RPS6KC1: variants seen among roughly 807,000 people sequenced by gnomAD.
RPS6KC1 encodes inactive ribosomal protein S6 kinase delta-1.
Under a neutral mutation model 103.8 loss-of-function variants are expected in RPS6KC1, and 54 were observed. That is an observed-to-expected ratio of 0.52 (90% CI 0.42 to 0.65). The LOEUF is 0.65. Ranked by LOEUF, RPS6KC1 falls within the 30% of genes least tolerant of loss-of-function variation. RPS6KC1 has a pLI of 0.00. For synonymous variants in RPS6KC1, 439 were observed against 438.7 expected (o/e 1.00, Z -0.01); for missense variants, 1,151 against 1,253.8 (o/e 0.92, Z 1.24).
chr1:213,765,229 A>G, the RPS6KC1 span, among the ~76,000 whole-genome samples: 2 of 151,762 alleles, frequency 1.3e-5, no homozygotes, highest in Non-Finnish European at 1.5e-5. Context: ...TTTTTTCTCC[A>G]CTCCCTTTCT....
the RPS6KC1 span, among the ~76,000 whole-genome samples, chr1:213,661,749 A>G: frequency 6.6e-6 from 1 of 152,208 alleles, no homozygotes; most frequent in African/African-American, 2.4e-5. Context: ...CTTAGATGAA[A>G]TTATTCTACT....
At chr1:213,705,792 G>C in the RPS6KC1 span, among the ~76,000 whole-genome samples, 2 of 152,206 alleles carry the variant, frequency 1.3e-5, no homozygotes, top group African/African-American at 4.8e-5. Context: ...GGACTCTCCA[G>C]TTGGTAGGTG....
At chr1:213,180,760 G>T (rs1385050565) in intron 8 of RPS6KC1, among the ~76,000 whole-genome samples, 1 of 152,140 alleles carries the variant, frequency 6.6e-6, no homozygotes, top group African/African-American at 2.4e-5. Context: ...TTGTATTTGT[G>T]TGGTACGAAT....
intron 10 of RPS6KC1, among the ~76,000 whole-genome samples, chr1:213,233,668 C>T (rs1428615437): frequency 6.6e-6 from 1 of 152,116 alleles, no homozygotes; most frequent in African/African-American, 2.4e-5. Context: ...CCATATACCT[C>T]TTGAAACTGA....
At chr1:213,322,911 CTTTTTTTTTTTTTTTT>C in the RPS6KC1 span, among the ~76,000 whole-genome samples, 24 of 36,674 alleles carry the variant, frequency 6.5e-4, 1 homozygote, top group Admixed American at 9.4e-3. Flanking sequence ...CCATGCCCAG[CTTTTTTTTTTTTTTTT>C]TTTTTTTTTT....
the RPS6KC1 span, among the ~76,000 whole-genome samples, chr1:213,798,401 C>G: frequency 6.6e-6 from 1 of 152,186 alleles, no homozygotes; most frequent in Non-Finnish European, 1.5e-5. Context: ...GGTCTGTACT[C>G]TTAGAAGTCA....
At chr1:213,679,869 G>C in the RPS6KC1 span, among the ~76,000 whole-genome samples, 3 of 152,302 alleles carry the variant, frequency 2.0e-5, no homozygotes, top group South Asian at 6.2e-4. Flanking sequence ...ACAGCCAGCT[G>C]TTTTGATCTG....
At chr1:213,244,362 T>G (rs901617306) in intron 12 of RPS6KC1, among the ~76,000 whole-genome samples, 8 of 152,262 alleles carry the variant, frequency 5.3e-5, no homozygotes, top group Non-Finnish European at 7.4e-5. Context: ...CATGCTAAAG[T>G]GAAGTACAGT....
chr1:213,108,479 ACTGTAG>A (rs2082697843), intron 4 of RPS6KC1, among the ~76,000 whole-genome samples: 1 of 152,110 alleles, frequency 6.6e-6, no homozygotes, highest in Non-Finnish European at 1.5e-5. Context: ...TGTCTTGATT[ACTGTAG>A]CTTTTTAAGT....
chr1:213,769,488 A>G, the RPS6KC1 span, among the ~76,000 whole-genome samples: 2 of 144,764 alleles, frequency 1.4e-5, no homozygotes, highest in Non-Finnish European at 3.0e-5. Context: ...TAGAAACTCC[A>G]CCTGGAGAGA....
the RPS6KC1 span, among the ~76,000 whole-genome samples, chr1:213,629,231 G>T: frequency 1.3e-5 from 2 of 151,958 alleles, no homozygotes; most frequent in Non-Finnish European, 2.9e-5. Flanking sequence ...TCTCTTTGTA[G>T]GTCTCTAAGG....
At chr1:213,087,023 A>G (rs1403148838) in intron 3 of RPS6KC1, among the ~76,000 whole-genome samples, 2 of 152,170 alleles carry the variant, frequency 1.3e-5, no homozygotes, top group Non-Finnish European at 2.9e-5. Flanking sequence ...GATGATTATT[A>G]TAGTACTAGT....
chr1:213,053,627 G>C (rs978638697), intron 1 of RPS6KC1, among the ~76,000 whole-genome samples: 11 of 152,184 alleles, frequency 7.2e-5, no homozygotes, highest in African/African-American at 2.2e-4. Context: ...ATTGCTTCTG[G>C]ATCAAGAGAT....
the RPS6KC1 span, among the ~76,000 whole-genome samples, chr1:213,343,403 A>G: frequency 0.029 from 476 of 16,454 alleles, 34 homozygotes; most frequent in African/African-American, 0.053. Flanking sequence ...ATATATATAT[A>G]TATATATATA....
the RPS6KC1 span, among the ~76,000 whole-genome samples, chr1:213,377,191 T>G: frequency 6.6e-6 from 1 of 152,224 alleles, no homozygotes; most frequent in Non-Finnish European, 1.5e-5. Context: ...GGTCATTGGA[T>G]GTTTTCTAGT....
the RPS6KC1 span, among the ~76,000 whole-genome samples, chr1:213,585,926 G>T: frequency 6.6e-6 from 1 of 152,154 alleles, no homozygotes; most frequent in Non-Finnish European, 1.5e-5. Flanking sequence ...AAGTGGAGAG[G>T]GGATATGCTG....
intron 6 of RPS6KC1, among the ~76,000 whole-genome samples, chr1:213,141,618 C>T (rs892535975): frequency 6.6e-6 from 1 of 151,872 alleles, no homozygotes; most frequent in Non-Finnish European, 1.5e-5. Context: ...TTCTCATCTC[C>T]ATTTCATTCA....
the RPS6KC1 span, among the ~76,000 whole-genome samples, chr1:213,723,291 CTG>C: frequency 6.6e-6 from 1 of 152,202 alleles, no homozygotes; most frequent in East Asian, 1.9e-4. Context: ...TGCTCAGTGA[CTG>C]TATTTGTTTG....
the RPS6KC1 span, among the ~76,000 whole-genome samples, chr1:213,547,815 AGCAGATGCTGTT>A: frequency 6.6e-6 from 1 of 152,206 alleles, no homozygotes; most frequent in African/African-American, 2.4e-5. Flanking sequence ...TCTCACCAGA[AGCAGATGCTGTT>A]GCCATGCTTC....
Sources: allele counts gnomAD v4.1 joint callset (sites outside exome capture counted in the v4.1 genomes callset), GRCh38; gene constraint gnomAD v4.1.1; transcripts MANE v1.5; gene names NCBI Gene and HGNC (gene_info 2026-07-23, HGNC 2026-07-21).